Variants in ASXL3 observed in about 807,000 individuals in gnomAD.
ASXL3 encodes ASXL transcriptional regulator 3.
ASXL3 carries 34 observed loss-of-function variants against 170.6 expected under a neutral mutation model. That is an observed-to-expected ratio of 0.20 (90% CI 0.15 to 0.27). The LOEUF is 0.27. Among genes scored for constraint, ASXL3 ranks in the 10% least tolerant of loss-of-function variants. ASXL3 has a pLI of 1.00. For missense variants in ASXL3, 2,592 were observed against 2,695.3 expected, an observed-to-expected ratio of 0.96 and a Z score of 0.85; for synonymous variants, 1,002 against 989.1, an observed-to-expected ratio of 1.01 and a Z score of -0.24.
chr18:33,635,859 C>A (rs548623672), intron 2 of ASXL3, among the ~76,000 whole-genome samples: 1 of 152,230 alleles, frequency 6.6e-6, no homozygotes, highest in East Asian at 1.9e-4. Context: ...CATCCATGAT[C>A]GTAACAGCTT....
chr18:33,647,544 T>C (rs1438553554), intron 4 of ASXL3, among the ~76,000 whole-genome samples: 1 of 151,990 alleles, frequency 6.6e-6, no homozygotes, highest in African/African-American at 2.4e-5. Flanking sequence ...ATCACAGTAA[T>C]TTCTGGCTTT....
At chr18:33,710,406 C>G (rs1453123176) in intron 8 of ASXL3, among the ~76,000 whole-genome samples, 2 of 152,200 alleles carry the variant, frequency 1.3e-5, no homozygotes, top group Non-Finnish European at 2.9e-5. Context: ...GAAACTATGA[C>G]AGCAGAATGT....
At chr18:33,595,753 G>C (rs1300397222) in intron 1 of ASXL3, among the ~76,000 whole-genome samples, 1 of 152,134 alleles carries the variant, frequency 6.6e-6, no homozygotes, top group Non-Finnish European at 1.5e-5. Context: ...AAGTAATCAA[G>C]ATGTGTTTTC....
intron 8 of ASXL3, among the ~76,000 whole-genome samples, chr18:33,711,462 G>A (rs1808529805): frequency 6.6e-6 from 1 of 152,088 alleles, no homozygotes; most frequent in Non-Finnish European, 1.5e-5. Flanking sequence ...TTCTTTTTAT[G>A]AGGTAAGAAT....
At position 33,603,768 on chromosome 18, in the gene ASXL3, C is replaced by T. The variant is rs77345630; in HGVS notation, c.55-3826C>T. Among the ~76,000 whole-genome samples, 36 of 152,146 alleles carry T rather than the reference C, an allele frequency of 2.4e-4. 1 individual carries two copies. In the East Asian group the frequency reaches 6.8e-3, roughly 29 times the overall value. Reference sequence around the variant, plus strand: ...GCTGGGAATTGAAAAGACTTCAGTCCATGAGAGATGCAAGACATCTCAGAG... The same window carrying T: ...GCTGGGAATTGAAAAGACTTCAGTCTATGAGAGATGCAAGACATCTCAGAG... On this transcript the variant is annotated intron_variant, in intron 1 of 11. Coordinates refer to ENST00000269197, the MANE Select transcript of ASXL3 (RefSeq NM_030632.3).
rs367943625 is a variant in ASXL3, at chr18:33,585,764, C to T, written c.54+7079C>T. Among the ~76,000 whole-genome samples the T allele has an allele frequency of 4.6e-5, 7 of 152,124 alleles. No homozygotes were observed. The South Asian group carries it at 6.2e-4, about 14-fold the overall frequency. ...TTAGAATCTGAGGAATTCTCCAAGG[C>T]GGTGCAATTTAGACTCAGTGGACAG... On this transcript the variant is annotated intron_variant, in intron 1 of 11. Transcript: ENST00000269197.
intron 4 of ASXL3, among the ~76,000 whole-genome samples, chr18:33,651,968 GTGT>G (rs2066005848): frequency 6.6e-6 from 1 of 152,018 alleles, no homozygotes; most frequent in Non-Finnish European, 1.5e-5. Flanking sequence ...CTATGGTTAT[GTGT>G]TTCTTTGACT....
rs768454146 is a variant in ASXL3, at chr18:33,743,088, G to A, written c.3240G>A (p.Ala1080=). 21 of 1,613,414 alleles carry A rather than the reference G, an allele frequency of 1.3e-5. No individual in the cohort carries two copies. The highest frequency in any genetic ancestry group is 1.0e-4 in the Admixed American group (6 of 59,982). Reference sequence around the variant, plus strand: ...CAGCTGCTGCTGTGGCTGCTGCAGCGAGCATTGTCTCTGGAGCCATGGGAA... The same window carrying A: ...CAGCTGCTGCTGTGGCTGCTGCAGCAAGCATTGTCTCTGGAGCCATGGGAA... ...AAAAAAVAAA[A]SIVSGAMGSP... Residue 1080 remains alanine (A), a synonymous_variant, in exon 12 of 12, where the codon GCG becomes GCA. Coordinates refer to ENST00000269197, the MANE Select transcript of ASXL3 (RefSeq NM_030632.3).
chr18:33,604,350 T>A (rs2065220738), intron 1 of ASXL3, among the ~76,000 whole-genome samples: 1 of 152,002 alleles, frequency 6.6e-6, no homozygotes, highest in South Asian at 2.1e-4. Flanking sequence ...AATAGAAAGC[T>A]TATTACAGGT....
rs1343564632 is a variant in ASXL3 at position 33,578,671 on chromosome 18, G to A, written c.40G>A (p.Glu14Lys). The A allele has an allele frequency of 4.5e-6, 6 of 1,347,002 alleles. No homozygotes were observed. The highest frequency in any genetic ancestry group is 1.6e-5 in the South Asian group (1 of 62,898). The allele number at this position is 1,347,002 out of a possible 1,614,324, so 83.4% of individuals were successfully genotyped here. Residue 14 changes from glutamate to lysine, a missense_variant, in exon 1 of 12, where the codon GAG (glutamate) becomes AAG (lysine). By Grantham distance (56) the Glu-to-Lys change is moderately conservative (BLOSUM62 1). Coordinates refer to ENST00000269197, the MANE Select transcript of ASXL3 (RefSeq NM_030632.3). ...GAAGAAGAAGGACCGCACCTGGGCCGAGGCTGCCCGCCTGGTACGTACCGC... is the reference window on the plus strand; with the variant it reads ...GAAGAAGAAGGACCGCACCTGGGCCAAGGCTGCCCGCCTGGTACGTACCGC... ...KRKKKDRTWAEAARLALEKHP... is the reference protein window; with the variant it reads ...KRKKKDRTWAKAARLALEKHP...
chr18:33,746,009 A>G lies in ASXL3; in HGVS notation c.6161A>G (p.Gln2054Arg), dbSNP rs750466321. Reference sequence around the variant, plus strand: ...CCTAATGCAGAAGTCCCATCTGATCAAAAACAACCTCCAGTTACCATGGAA... The same window carrying G: ...CCTAATGCAGAAGTCCCATCTGATCGAAAACAACCTCCAGTTACCATGGAA... ...PLPNAEVPSD[Q>R]KQPPVTMETT... Residue 2054 changes from glutamine to arginine, a missense_variant, in exon 12 of 12, where the codon CAA becomes CGA. This residue lies in a region of ASXL3 where 2,246 missense variants were observed against 2,219.6 expected (regional missense o/e 1.01). Transcript: ENST00000269197. The G allele has an allele frequency of 1.2e-6, 2 of 1,607,872 alleles. No homozygotes were observed. The highest frequency in any genetic ancestry group is 1.7e-5 in the Admixed American group (1 of 59,146).
intron 2 of ASXL3, among the ~76,000 whole-genome samples, chr18:33,620,052 AC>A (rs1270552345): frequency 1.3e-5 from 2 of 152,080 alleles, no homozygotes; most frequent in Non-Finnish European, 2.9e-5. Flanking sequence ...TATCATGACC[AC>A]TTGTTCATCC....
chr18:33,744,174 G>A lies in ASXL3; in HGVS notation c.4326G>A (p.Gly1442=), dbSNP rs2067723396. ...LSAESLDKNS[G]PRNRADNSGK... ...CTGAAAGCTTGGACAAAAATTCAGGGCCTCGAAACAGGGCAGATAATTCTG... is the reference window on the plus strand; with the variant it reads ...CTGAAAGCTTGGACAAAAATTCAGGACCTCGAAACAGGGCAGATAATTCTG... Residue 1442 remains glycine, a synonymous_variant, in exon 12 of 12, where the codon GGG becomes GGA. Transcript: ENST00000269197. 3 of 1,613,830 alleles carry A rather than the reference G, an allele frequency of 1.9e-6. No homozygotes were observed. Among genetic ancestry groups the A allele is most frequent in the Non-Finnish European group, 1.7e-6 (2 of 1,179,894 alleles).
chr18:33,653,447 T>A (rs1438266921), intron 4 of ASXL3, among the ~76,000 whole-genome samples: 1 of 152,136 alleles, frequency 6.6e-6, no homozygotes, highest in Non-Finnish European at 1.5e-5. Flanking sequence ...TGCTCTACAT[T>A]GGTGGCCTAG....
chr18:33,721,995 G>C (rs1439765853), intron 8 of ASXL3, among the ~76,000 whole-genome samples: 1 of 151,742 alleles, frequency 6.6e-6, no homozygotes, highest in Non-Finnish European at 1.5e-5. Context: ...GGTGATATAT[G>C]ACCAATGATA....
chr18:33,610,275 A>G (rs2065313761), intron 2 of ASXL3, among the ~76,000 whole-genome samples: 1 of 152,028 alleles, frequency 6.6e-6, no homozygotes, highest in African/African-American at 2.4e-5. Flanking sequence ...ATTTCTAGGT[A>G]TTTACTAATG....
At chr18:33,701,567 T>C (rs1444440085) in intron 8 of ASXL3, among the ~76,000 whole-genome samples, 1 of 152,090 alleles carries the variant, frequency 6.6e-6, no homozygotes, top group East Asian at 1.9e-4. Context: ...GGTTTTTTTC[T>C]TCACTGATTT....
At chr18:33,640,186 T>C (rs2065824751) in intron 2 of ASXL3, among the ~76,000 whole-genome samples, 2 of 152,124 alleles carry the variant, frequency 1.3e-5, no homozygotes, top group Admixed American at 6.6e-5. Context: ...TTCTTCACTA[T>C]CAAATTTGAG....
chr18:33,599,929 A>G (rs1001669583), intron 1 of ASXL3, among the ~76,000 whole-genome samples: 1 of 152,118 alleles, frequency 6.6e-6, no homozygotes, highest in African/African-American at 2.4e-5. Flanking sequence ...GTGGCTGCTG[A>G]AAAAAAGCAC....
Sources: allele counts gnomAD v4.1 joint callset (sites outside exome capture counted in the v4.1 genomes callset), GRCh38; gene constraint gnomAD v4.1.1; regional missense constraint gnomAD v4.1.1; transcripts MANE v1.5; gene names NCBI Gene and HGNC (gene_info 2026-07-23, HGNC 2026-07-21).